MRPL18: variants seen among roughly 807,000 people sequenced by gnomAD.
The protein encoded by MRPL18 is large ribosomal subunit protein uL18m.
MRPL18 carries 16 observed loss-of-function variants against 20.9 expected under a neutral mutation model. The ratio of observed to expected loss-of-function variants is 0.76; its 90% confidence interval spans 0.52 to 1.16. MRPL18 has a LOEUF of 1.16. Ranked by LOEUF, MRPL18 falls within the 50% of genes most tolerant of loss-of-function variation. The probability of loss-of-function intolerance (pLI) is 0.00; values close to 1 mark genes in which losing one functional copy is unlikely to be tolerated. For missense variants in MRPL18, 233 were observed against 230.6 expected (o/e 1.01, Z -0.07); for synonymous variants, 91 against 87.1 (o/e 1.04, Z -0.25).
rs560944763 is a variant in MRPL18 at position 159,794,914 on chromosome 6, C to T, written c.240-2373C>T. Among the ~76,000 whole-genome samples the T allele has an allele frequency of 4.4e-3, 669 of 152,190 alleles. 2 individuals carry two copies. Among genetic ancestry groups the T allele is most frequent in the Non-Finnish European group, 6.4e-3 (437 of 68,012 alleles). On this transcript the variant is annotated intron_variant, in intron 2 of 3. Coordinates refer to ENST00000367034, the MANE Select transcript of MRPL18 (RefSeq NM_014161.5). ...GTTCCCTTAGTATTTATTGATCATTCGTGGGTGTTTCTCTGAGAGGGGGAT... is the reference window on the plus strand; with the variant it reads ...GTTCCCTTAGTATTTATTGATCATTTGTGGGTGTTTCTCTGAGAGGGGGAT...
At chr6:159,797,560 A>G in intron 3 of MRPL18, 42 bp downstream of exon 3, 1 of 1,569,404 alleles carries the variant, frequency 6.4e-7, no homozygotes, top group African/African-American at 1.4e-5. Context: ...GTATTGTGTT[A>G]ATTCTTGGCA....
Position 159,790,974 on chromosome 6 carries a change from G to A in MRPL18, c.87G>A (p.Glu29=), listed in dbSNP as rs1479079218. 6 of 1,614,184 alleles carry A rather than the reference G, an allele frequency of 3.7e-6. No individual in the cohort carries two copies. In the South Asian group the frequency reaches 5.5e-5, roughly 15 times the overall value. ...CRFAALSTSS[E]PAAKPEVDPV... is the part of the protein sequence containing the mutation. ...TCGCAGCCCTGTCAACCAGCTCCGA[G>A]CCGGCAGCGAAACCTGAAGTGGACC... is the stretch of plus-strand genomic sequence containing the variant. The change falls in exon 2 of 4, where the codon GAG becomes GAA. Residue 29 remains glutamate, a synonymous_variant. Coordinates refer to ENST00000367034, the MANE Select transcript of MRPL18 (RefSeq NM_014161.5).
At position 159,793,250 on chromosome 6, in the gene MRPL18, G is replaced by A. The variant is rs1356679762; in HGVS notation, c.239+2124G>A. 2.0e-5 allele frequency among the ~76,000 whole-genome samples: 3 copies of A among 152,140 alleles called. No individual in the cohort carries two copies. The East Asian group carries it at 5.8e-4, about 29-fold the overall frequency. On this transcript the variant is annotated intron_variant, in intron 2 of 3. Coordinates refer to ENST00000367034, the MANE Select transcript of MRPL18 (RefSeq NM_014161.5). The stretch of plus-strand genomic sequence containing the variant: ...TAGAGAATTTCAGAATATTATAGTA[G>A]GAAATGACCTTTGACATAATGAATC...
intron 2 of MRPL18, among the ~76,000 whole-genome samples, chr6:159,791,841 G>A (rs1780908669): frequency 6.6e-6 from 1 of 152,046 alleles, no homozygotes; most frequent in South Asian, 2.1e-4. Context: ...GGAGGCGGAG[G>A]TTGCAGTGAG....
intron 1 of MRPL18, 47 bp from the exon 2 acceptor site, chr6:159,790,893 C>A (rs781098439): frequency 4.4e-6 from 7 of 1,607,614 alleles, no homozygotes; most frequent in Non-Finnish European, 5.1e-6. Flanking sequence ...CGTGCGCTGT[C>A]CATATCCGTC....
At position 159,790,479 on chromosome 6, in the gene MRPL18, A is replaced by G. The variant is rs1207424499; in HGVS notation, c.-109A>G. On this transcript the variant is annotated 5_prime_UTR_variant, in exon 1 of 4. Coordinates refer to ENST00000367034, the MANE Select transcript of MRPL18 (RefSeq NM_014161.5). ...GGCGTCTGGCGTGGAGAGTTTGGGG[A>G]TCTACAGCAGCCAAAGGCTTGTCCC... 8 of 1,458,462 alleles carry G rather than the reference A, an allele frequency of 5.5e-6. No individual in the cohort carries two copies. Among genetic ancestry groups the G allele is most frequent in the South Asian group, 2.3e-5 (2 of 85,700 alleles). The allele number at this position is 1,458,462 out of a possible 1,614,324, so 90.3% of individuals were successfully genotyped here. A position where few individuals can be genotyped will look rare whatever the true frequency, so the allele number is the denominator to read the frequency against.
At chr6:159,794,164 C>T (rs1780976598) in intron 2 of MRPL18, among the ~76,000 whole-genome samples, 1 of 152,166 alleles carries the variant, frequency 6.6e-6, no homozygotes. Context: ...TAAGCAAAAA[C>T]TGTTAAAAAC....
At chr6:159,791,858 G>A (rs1347801837) in intron 2 of MRPL18, among the ~76,000 whole-genome samples, 1 of 152,008 alleles carries the variant, frequency 6.6e-6, no homozygotes, top group African/African-American at 2.4e-5. Flanking sequence ...TGAGCTGAGC[G>A]CCTGGGCGAC....
chr6:159,798,305 G>A lies in MRPL18; in HGVS notation c.*182G>A, dbSNP rs4739. ...TCTGTTTTTTTAAATCAAGAACTAC[G>A]TTCTGCCCCTCTCTTGGGCTTCAGA... On this transcript the variant is annotated 3_prime_UTR_variant, in exon 4 of 4. Transcript: ENST00000367034. 253,501 of 507,066 alleles carry A rather than the reference G, an allele frequency of 0.5. 66,282 individuals are homozygous for A. Among genetic ancestry groups the A allele is most frequent in the Admixed American group, 0.56 (14,661 of 26,124 alleles). The allele number at this position is 507,066 out of a possible 1,614,324, so 31.4% of individuals were successfully genotyped here.
chr6:159,795,170 CGA>C (rs1034010718), intron 2 of MRPL18, among the ~76,000 whole-genome samples: 3 of 152,184 alleles, frequency 2.0e-5, no homozygotes, highest in Non-Finnish European at 4.4e-5. Flanking sequence ...GGTTTTATAC[CGA>C]GACAGTGCAT....
Position 159,794,913 on chromosome 6 carries a change from T to G in MRPL18, c.240-2374T>G, listed in dbSNP as rs542479073. Among the ~76,000 whole-genome samples the G allele has an allele frequency of 3.9e-5, 6 of 152,280 alleles. No homozygotes were observed. The East Asian group carries it at 1.2e-3, about 29-fold the overall frequency. On this transcript the variant is annotated intron_variant, in intron 2 of 3. Transcript: ENST00000367034. ...AGTTCCCTTAGTATTTATTGATCAT[T>G]CGTGGGTGTTTCTCTGAGAGGGGGA...
intron 2 of MRPL18, among the ~76,000 whole-genome samples, chr6:159,793,352 A>G (rs2115007743): frequency 7.7e-6 from 1 of 129,840 alleles, no homozygotes; most frequent in Non-Finnish European, 1.7e-5. Context: ...TGAGCTAAAA[A>G]CTTGTTTTTA....
At chr6:159,790,413 C>CCT, upstream of MRPL18, 1 of 745,392 alleles carries the variant, frequency 1.3e-6, no homozygotes, top group Non-Finnish European at 2.2e-6. Context: ...ATCGCCTTCT[C>CCT]GGCCACTCAG....
rs77915224 is a variant in MRPL18 at position 159,796,663 on chromosome 6, A to C, written c.240-624A>C. On this transcript the variant is annotated intron_variant, in intron 2 of 3. Coordinates refer to ENST00000367034, the MANE Select transcript of MRPL18 (RefSeq NM_014161.5). ...TCTTGGTGCAGTGGCATGCACCTGTAATGCCAACTACTTGGGAGACTAAGG... is the reference window on the plus strand; with the variant it reads ...TCTTGGTGCAGTGGCATGCACCTGTCATGCCAACTACTTGGGAGACTAAGG... Among the ~76,000 whole-genome samples the C allele has an allele frequency of 6.2e-3, 949 of 152,202 alleles. 11 individuals carry two copies. Among genetic ancestry groups the C allele is most frequent in the African/African-American group, 0.022 (916 of 41,514 alleles).
At chr6:159,796,128 CTTT>C (rs371374052) in intron 2 of MRPL18, among the ~76,000 whole-genome samples, 54,826 of 116,128 alleles carry the variant, frequency 0.47, 12,952 homozygotes, top group Admixed American at 0.55. Flanking sequence ...CTTCATTTTA[CTTT>C]TTTTTTTTTT....
chr6:159,790,595 T>C lies in MRPL18; in HGVS notation c.8T>C (p.Leu3Pro), dbSNP rs1289637573. Residue 3 changes from leucine to proline, a missense_variant, in exon 1 of 4, where the codon CTT (leucine) becomes CCT (proline). Transcript: ENST00000367034. The stretch of plus-strand genomic sequence containing the variant: ...TCCGAGATCGTCTCAGCGATGGCGC[T>C]TCGGTCGCGGTTTTGGGGGTTGTTC... The part of the protein sequence containing the change: MA[L>P]RSRFWGLFSV... The C allele has an allele frequency of 6.4e-7, 1 of 1,568,856 alleles. No individual in the cohort carries two copies.
Position 159,790,494 on chromosome 6 carries a change from A to C in MRPL18, c.-94A>C. ...GAGTTTGGGGATCTACAGCAGCCAA[A>C]GGCTTGTCCCTGACTTTATATGGCT... On this transcript the variant is annotated 5_prime_UTR_variant, in exon 1 of 4. Transcript: ENST00000367034. The C allele has an allele frequency of 6.4e-7, 1 of 1,562,640 alleles. No individual in the cohort carries two copies. The highest frequency in any genetic ancestry group is 1.1e-5 in the South Asian group (1 of 89,564).
At chr6:159,789,969 C>G (rs563177850), upstream of MRPL18, 7 of 180,342 alleles carry the variant, frequency 3.9e-5, no homozygotes, top group East Asian at 8.4e-4. Flanking sequence ...GGGTTCTGAG[C>G]GAGTCGTGCG....
chr6:159,798,112 ATC>A lies in MRPL18; in HGVS notation c.534_535del (p.Tyr179Ter). 6.2e-7 allele frequency: 1 copy of A among 1,612,022 alleles called. No homozygotes were observed. Among genetic ancestry groups the A allele is most frequent in the Non-Finnish European group, 8.5e-7 (1 of 1,178,228 alleles). ...TGTGGTTCTACGGGAACCTCAGAGAATCTATGAATAAATGGAAGCATTAATTG... is the reference window on the plus strand; with the variant it reads ...TGTGGTTCTACGGGAACCTCAGAGAATATGAATAAATGGAAGCATTAATTG... Reference protein sequence around the residue: ...GGVVLREPQRIYE With the variant: ...GGVVLREPQRXYE On this transcript the variant is annotated frameshift_variant, in exon 4 of 4. Coordinates refer to ENST00000367034, the MANE Select transcript of MRPL18 (RefSeq NM_014161.5). LOFTEE classifies it high-confidence loss of function.
Sources: gnomAD v4.1 joint callset for allele counts (sites outside exome capture counted in the v4.1 genomes callset) on GRCh38, gnomAD v4.1.1 for gene constraint, MANE v1.5 for transcripts, NCBI Gene and HGNC (gene_info 2026-07-23, HGNC 2026-07-21) for gene names.